Variants in MYO9A observed in about 807,000 individuals in gnomAD.
MYO9A encodes unconventional myosin-IXa.
A neutral mutation model predicts 293.3 loss-of-function variants in MYO9A; 103 were observed. The ratio of observed to expected loss-of-function variants is 0.35; its 90% CI spans 0.30 to 0.41. The LOEUF (loss-of-function observed/expected upper bound fraction) is 0.41, where lower values mean the gene tolerates loss of function less well. MYO9A is among the 10% of genes least tolerant of loss of function. The pLI, the probability that MYO9A is intolerant of heterozygous loss-of-function variation, is 1.00. For missense variants in MYO9A, 2,685 were observed against 3,033.0 expected (o/e 0.89, Z 2.69); for synonymous variants, 1,001 against 1,035.7 (o/e 0.97, Z 0.64).
At position 72,048,323 on chromosome 15, in the gene MYO9A, C is replaced by T. The variant is rs193210367; in HGVS notation, c.-71-1689G>A. Reference sequence around the variant, plus strand: ...CTGAGGCAGGAGAATCACTTGAACCCGGGAGGCAGAGGTTACAGTGAGCTG... The same window carrying T: ...CTGAGGCAGGAGAATCACTTGAACCTGGGAGGCAGAGGTTACAGTGAGCTG... On this transcript the variant is annotated intron_variant, in intron 1 of 41. Coordinates refer to ENST00000356056, the MANE Select transcript of MYO9A (RefSeq NM_006901.4). Among the ~76,000 whole-genome samples the T allele has an allele frequency of 4.0e-5, 6 of 151,378 alleles. 1 individual carries two copies. In the South Asian group the frequency reaches 1.3e-3, roughly 32 times the overall value.
At chr15:71,985,793 G>C (rs1009030690) in intron 11 of MYO9A, among the ~76,000 whole-genome samples, 4 of 152,030 alleles carry the variant, frequency 2.6e-5, no homozygotes, top group African/African-American at 9.7e-5. Flanking sequence ...GAAGTTTTTT[G>C]GTTGTTCTCC....
chr15:71,914,212 C>A (rs1434413411), intron 19 of MYO9A, among the ~76,000 whole-genome samples: 2 of 152,172 alleles, frequency 1.3e-5, no homozygotes, highest in Admixed American at 6.5e-5. Context: ...TCTTCCTGAG[C>A]CGTAGCAAAT....
intron 11 of MYO9A, among the ~76,000 whole-genome samples, chr15:71,988,780 T>C (rs929104233): frequency 6.6e-6 from 1 of 152,228 alleles, no homozygotes. Flanking sequence ...TATGTCCTCA[T>C]ACACAAATTC....
chr15:72,061,768 T>A (rs989937522), intron 1 of MYO9A, among the ~76,000 whole-genome samples: 6 of 152,082 alleles, frequency 3.9e-5, no homozygotes, highest in Admixed American at 3.9e-4. Flanking sequence ...AGGGAACCTA[T>A]CTCCCTGAAG....
At position 71,993,384 on chromosome 15, in the gene MYO9A, T is replaced by A. The variant is rs548351517; in HGVS notation, c.1587+1085A>T. On this transcript the variant is annotated intron_variant, in intron 10 of 41. Transcript: ENST00000356056. ...AATTAAATTTAAAATAAAATAAAAA[T>A]AAAAAGGAGTATCAAAAAGACAAAA... Among the ~76,000 whole-genome samples, 484 of 150,994 alleles carry A rather than the reference T, an allele frequency of 3.2e-3. 3 individuals carry two copies. The highest frequency in any genetic ancestry group is 0.011 in the African/African-American group (470 of 41,140).
chr15:71,889,737 G>C (rs1050998557), intron 26 of MYO9A: 4 of 151,944 alleles, frequency 2.6e-5, no homozygotes, highest in Admixed American at 2.0e-4. Context: ...AAAAAAGACT[G>C]ATTTCCCTAG....
intron 33 of MYO9A, among the ~76,000 whole-genome samples, chr15:71,861,677 TATAA>T (rs2056130806): frequency 1.2e-5 from 1 of 84,462 alleles, no homozygotes; most frequent in Non-Finnish European, 2.1e-5. Flanking sequence ...GCACTGATGA[TATAA>T]AAAAAAAAAA....
chr15:71,853,925 C>T lies in MYO9A; in HGVS notation c.6346+452G>A, dbSNP rs867983562. ...TAACTCCAATTTGGTCACTTATTGG[C>T]GATCAGTCTTTGGGCAAGATCTTCT... On this transcript the variant is annotated intron_variant, in intron 35 of 41. Transcript: ENST00000356056. Among the ~76,000 whole-genome samples, 4 of 152,260 alleles carry T rather than the reference C, an allele frequency of 2.6e-5. No individual in the cohort carries two copies. In the South Asian group the frequency reaches 6.2e-4, roughly 24 times the overall value.
In MYO9A at chr15:71,898,856, T is replaced by C; in HGVS notation, c.3647A>G (p.Asn1216Ser). ...IEECKSVIES[N>S]RISRESSVDC... ...CACTGAACTTTCACGGCTAATTCGA[T>C]TACTCTCTATTACAGATTTACATTC... is the stretch of plus-strand genomic sequence containing the variant. The change falls in exon 25 of 42, where the codon AAT (asparagine) becomes AGT (serine). Residue 1216 changes from asparagine (N) to serine (S), a missense_variant. This residue lies in a region of MYO9A where 1,434 missense variants were observed against 1,497.7 expected (regional missense o/e 0.96). Coordinates refer to ENST00000356056, the MANE Select transcript of MYO9A (RefSeq NM_006901.4). 1 of 1,614,110 alleles carries C rather than the reference T, an allele frequency of 6.2e-7. No individual in the cohort carries two copies. Among genetic ancestry groups the C allele is most frequent in the Non-Finnish European group, 8.5e-7 (1 of 1,179,998 alleles).
intron 1 of MYO9A, among the ~76,000 whole-genome samples, chr15:72,101,258 C>T (rs2080301756): frequency 7.4e-6 from 1 of 135,198 alleles, no homozygotes; most frequent in Non-Finnish European, 1.6e-5. Flanking sequence ...GGTCAGCCCC[C>T]CGCCCGGCCA....
At chr15:72,046,873 T>C (rs1296398484) in intron 1 of MYO9A, among the ~76,000 whole-genome samples, 1 of 152,204 alleles carries the variant, frequency 6.6e-6, no homozygotes, top group African/African-American at 2.4e-5. Context: ...TGTTTTATTA[T>C]ACAAAAATCC....
Position 71,991,078 on chromosome 15 carries a change from A to G in MYO9A, c.1722+25T>C, listed in dbSNP as rs375556776. 1.3e-5 allele frequency: 20 copies of G among 1,537,310 alleles called. No homozygotes were observed. The African/African-American group carries it at 2.5e-4, about 19-fold the overall frequency. ...CAAAGATATGTGTGATGGGGGGACA[A>G]GTGTATACATATTTAGGTACTCACT... On this transcript the variant is annotated intron_variant, in intron 11 of 41. Coordinates refer to ENST00000356056, the MANE Select transcript of MYO9A (RefSeq NM_006901.4).
At chr15:72,104,611 C>T (rs72733327) in intron 1 of MYO9A, among the ~76,000 whole-genome samples, 2,076 of 152,256 alleles carry the variant, frequency 0.014, 25 homozygotes, top group Middle Eastern at 0.041. Context: ...TCTGATTAAA[C>T]GAAGTAAAAG....
At chr15:71,876,753 C>A (rs2056706556) in intron 31 of MYO9A, among the ~76,000 whole-genome samples, 6 of 152,156 alleles carry the variant, frequency 3.9e-5, no homozygotes, top group Admixed American at 3.9e-4. Context: ...AAAGATTTTA[C>A]TTCCCGTATT....
intron 15 of MYO9A, chr15:71,950,331 G>A (rs1326121368): frequency 6.6e-6 from 1 of 152,156 alleles, no homozygotes; most frequent in East Asian, 1.9e-4. Flanking sequence ...TGCTGAAACT[G>A]GTGCCCTCCT....
intron 1 of MYO9A, among the ~76,000 whole-genome samples, chr15:72,047,593 T>C (rs1412904169): frequency 6.6e-6 from 1 of 152,030 alleles, no homozygotes; most frequent in Non-Finnish European, 1.5e-5. Context: ...ACTGAGAAAA[T>C]ATGCCCCACA....
chr15:72,037,534 C>T (rs2078092042), intron 2 of MYO9A, among the ~76,000 whole-genome samples: 1 of 152,090 alleles, frequency 6.6e-6, no homozygotes, highest in African/African-American at 2.4e-5. Context: ...TCAACAAACA[C>T]ACAGAACCTC....
intron 4 of MYO9A, among the ~76,000 whole-genome samples, chr15:72,026,486 C>T (rs765566057): frequency 6.6e-6 from 1 of 150,686 alleles, no homozygotes; most frequent in African/African-American, 2.4e-5. Context: ...TACCTGTAAA[C>T]CCATATAAAA....
intron 1 of MYO9A, among the ~76,000 whole-genome samples, chr15:72,074,745 A>C (rs1006303570): frequency 3.3e-5 from 5 of 152,202 alleles, no homozygotes; most frequent in Admixed American, 1.3e-4. Flanking sequence ...GAACTTAGCT[A>C]AACTTAAATC....
Sources: allele counts gnomAD v4.1 joint callset (sites outside exome capture counted in the v4.1 genomes callset), GRCh38; gene constraint gnomAD v4.1.1; regional missense constraint gnomAD v4.1.1; transcripts MANE v1.5; gene names NCBI Gene and HGNC (gene_info 2026-07-23, HGNC 2026-07-21).